The following PPP1R12A variants were observed in gnomAD, a reference collection of about 807,000 sequenced individuals.
PPP1R12A encodes the protein protein phosphatase 1 regulatory subunit 12A.
In PPP1R12A, 19 loss-of-function variants were observed where a neutral mutation model predicts 139.6. The observed-to-expected ratio is 0.14, with a 90% CI of 0.09 to 0.20. PPP1R12A has a LOEUF of 0.20. Among genes scored for constraint, PPP1R12A ranks in the 10% least tolerant of loss-of-function variants. The pLI is 1.00. For missense variants in PPP1R12A, 925 were observed against 1,211.5 expected (o/e 0.76, Z 3.51); for synonymous variants, 427 against 420.6 (o/e 1.02, Z -0.19).
At chr12:79,817,319 A>G in intron 9 of PPP1R12A, 75 bp downstream of exon 9, 8 of 1,365,746 alleles carry the variant, frequency 5.9e-6, no homozygotes, top group Non-Finnish European at 8.0e-6. Context: ...AAAATTCAGA[A>G]TTACTTTAAT....
At chr12:79,780,642 G>A (rs1870327228) in intron 23 of PPP1R12A, 1 of 152,036 alleles carries the variant, frequency 6.6e-6, no homozygotes, top group Non-Finnish European at 1.5e-5. Flanking sequence ...TGTTATCCAT[G>A]CCTTTCATCT....
intron 1 of PPP1R12A, among the ~76,000 whole-genome samples, chr12:79,895,512 A>T (rs1885052409): frequency 1.3e-5 from 2 of 151,756 alleles, no homozygotes; most frequent in East Asian, 3.9e-4. Flanking sequence ...AAATAGAAGC[A>T]GCTCAGCTTA....
intron 2 of PPP1R12A, among the ~76,000 whole-genome samples, 198 bp from the exon 3 acceptor site, chr12:79,845,618 C>T (rs1020287974): frequency 2.6e-5 from 4 of 152,092 alleles, no homozygotes; most frequent in South Asian, 2.1e-4. Context: ...CCAAGGCAGG[C>T]GGATCACGAG....
At chr12:79,843,116 T>G (rs1357624993) in intron 3 of PPP1R12A, among the ~76,000 whole-genome samples, 1 of 152,160 alleles carries the variant, frequency 6.6e-6, no homozygotes, top group Non-Finnish European at 1.5e-5. Context: ...TATGTTTGAT[T>G]TCCTTCCTTA....
At chr12:79,881,461 G>A (rs1012809424) in intron 1 of PPP1R12A, among the ~76,000 whole-genome samples, 2 of 152,218 alleles carry the variant, frequency 1.3e-5, no homozygotes, top group African/African-American at 2.4e-5. Flanking sequence ...AAGCCTAATA[G>A]AGAGTAAGGC....
chr12:79,892,447 G>A (rs895550603), intron 1 of PPP1R12A, among the ~76,000 whole-genome samples: 13 of 152,088 alleles, frequency 8.5e-5, no homozygotes, highest in East Asian at 1.9e-4. Context: ...ATTATTATTC[G>A]TTTAATATTT....
chr12:79,870,809 G>C (rs1882490070), intron 2 of PPP1R12A, among the ~76,000 whole-genome samples: 1 of 152,074 alleles, frequency 6.6e-6, no homozygotes, highest in South Asian at 2.1e-4. Context: ...TTATATACTA[G>C]CATGTAAAAG....
intron 1 of PPP1R12A, among the ~76,000 whole-genome samples, chr12:79,884,275 T>C (rs987035978): frequency 6.6e-6 from 1 of 152,148 alleles, no homozygotes; most frequent in South Asian, 2.1e-4. Context: ...CTCCAATAAA[T>C]GAAACACTGC....
chr12:79,812,659 T>G (rs751216804), intron 9 of PPP1R12A, among the ~76,000 whole-genome samples: 8 of 150,530 alleles, frequency 5.3e-5, no homozygotes, highest in Non-Finnish European at 8.8e-5. Flanking sequence ...ATTTTACCTG[T>G]CTATTCTAGG....
Position 79,806,336 on chromosome 12 carries a change from A to C in PPP1R12A, c.1656-3T>G, listed in dbSNP as rs564024989. 1.2e-6 allele frequency: 2 copies of C among 1,611,998 alleles called. No individual in the cohort carries two copies. The highest frequency in any genetic ancestry group is 1.7e-6 in the Non-Finnish European group (2 of 1,178,212). On this transcript the variant is annotated splice_region_variant and splice_polypyrimidine_tract_variant and intron_variant, in intron 12 of 24. Coordinates refer to ENST00000450142, the MANE Select transcript of PPP1R12A (RefSeq NM_002480.3). ...CTTGTCTTCTACCAAAGGAGCAACT[A>C]AACAAAAGAGTCATATCTATATAGG...
At chr12:79,816,091 G>T (rs904144786) in intron 9 of PPP1R12A, among the ~76,000 whole-genome samples, 14 of 151,946 alleles carry the variant, frequency 9.2e-5, no homozygotes, top group South Asian at 4.2e-4. Flanking sequence ...ATGCTGTGAG[G>T]ATTTAAAAAC....
Position 79,796,772 on chromosome 12 carries a change from G to A in PPP1R12A, c.2461+10C>T. The A allele has an allele frequency of 3.2e-6, 5 of 1,579,772 alleles. No homozygotes were observed. Among genetic ancestry groups the A allele is most frequent in the Non-Finnish European group, 4.3e-6 (5 of 1,157,720 alleles). ...GAAAGCAAAGTGTTTTCAAAATTTG[G>A]TATTCTTACCTCTTTCATTTTCTTT... On this transcript the variant is annotated intron_variant, in intron 17 of 24. Coordinates refer to ENST00000450142, the MANE Select transcript of PPP1R12A (RefSeq NM_002480.3).
At chr12:79,905,032 T>C (rs1425633151) in intron 1 of PPP1R12A, among the ~76,000 whole-genome samples, 1 of 152,230 alleles carries the variant, frequency 6.6e-6, no homozygotes. Context: ...TATATTGTAA[T>C]CAATTCATGC....
At position 79,812,382 on chromosome 12, in the gene PPP1R12A, C is replaced by CTG. The variant is rs1555202833; in HGVS notation, c.1240-2374_1240-2373dup. Among the ~76,000 whole-genome samples, 683 of 112,948 alleles carry CTG rather than the reference C, an allele frequency of 6.0e-3. 3 individuals are homozygous for CTG. The highest frequency in any genetic ancestry group is 0.032 in the African/African-American group (636 of 20,166). 74.1% of individuals were successfully genotyped at this position (112,948 alleles called of 152,430 possible). On this transcript the variant is annotated intron_variant, in intron 9 of 24. Transcript: ENST00000450142. ...TGACCATTCCTTTTCTTGACTGACT[C>CTG]TGTGTGTGCGTGTGTGTGTGTGTGT...
At chr12:79,823,035 A>AT (rs1372459750) in intron 5 of PPP1R12A, among the ~76,000 whole-genome samples, 6 of 152,160 alleles carry the variant, frequency 3.9e-5, no homozygotes, top group African/African-American at 1.4e-4. Flanking sequence ...TAAGCTGTTT[A>AT]ACATTCAGCC....
chr12:79,796,872 G>C lies in PPP1R12A; in HGVS notation c.2371C>G (p.Leu791Val), dbSNP rs1872564055. The C allele has an allele frequency of 1.2e-6, 2 of 1,611,396 alleles. No individual in the cohort carries two copies. Among genetic ancestry groups the C allele is most frequent in the Admixed American group, 1.7e-5 (1 of 59,978 alleles). Residue 791 changes from leucine to valine, a missense_variant, in exon 17 of 25, where the codon CTG becomes GTG. By Grantham distance (32) the Leu-to-Val change is conservative. This residue lies in a region of PPP1R12A where 315 missense variants were observed against 363.4 expected (regional missense o/e 0.87). Transcript: ENST00000450142. ...CTGTTTAGTTGACTTGAAGCATACA[G>C]TGAACTGCTCATAGTAGAAAGTGAA... ...SSSLSTMSSS[L>V]YASSQLNRPN...
chr12:79,831,676 T>C (rs1877448770), intron 4 of PPP1R12A, among the ~76,000 whole-genome samples: 1 of 152,210 alleles, frequency 6.6e-6, no homozygotes, highest in Non-Finnish European at 1.5e-5. Flanking sequence ...TCCTTTCACA[T>C]ACATATAAGA....
At chr12:79,898,569 ACTC>A (rs374788263) in intron 1 of PPP1R12A, among the ~76,000 whole-genome samples, 19 of 152,088 alleles carry the variant, frequency 1.2e-4, no homozygotes, top group African/African-American at 4.3e-4. Flanking sequence ...ACAGTTTCAC[ACTC>A]CTCATCTTCC....
At chr12:79,856,774 T>G (rs1053552890) in intron 2 of PPP1R12A, among the ~76,000 whole-genome samples, 1 of 152,244 alleles carries the variant, frequency 6.6e-6, no homozygotes, top group African/African-American at 2.4e-5. Flanking sequence ...TATTCTGGTT[T>G]TGCATATGAC....
Sources: allele counts gnomAD v4.1 joint callset (sites outside exome capture counted in the v4.1 genomes callset), GRCh38; gene constraint gnomAD v4.1.1; regional missense constraint gnomAD v4.1.1; transcripts MANE v1.5; gene names NCBI Gene and HGNC (gene_info 2026-07-23, HGNC 2026-07-21).